MEP1A: variants seen among roughly 807,000 people sequenced by gnomAD.
MEP1A encodes the protein N-benzoyl-L-tyrosyl-P-amino-benzoic acid hydrolase subunit alpha.
MEP1A carries 68 observed loss-of-function variants against 84.5 expected under a neutral mutation model. That is an observed-to-expected ratio of 0.80 (90% CI 0.66 to 0.98). The LOEUF (loss-of-function observed/expected upper bound fraction) is 0.98, where lower values mean the gene tolerates loss of function less well. Among genes scored for constraint, MEP1A ranks in the 50% least tolerant of loss-of-function variants. The probability of loss-of-function intolerance (pLI) is 0.00; values close to 1 mark genes in which losing one functional copy is unlikely to be tolerated. For missense variants in MEP1A, 887 were observed against 919.9 expected (o/e 0.96, Z 0.46); for synonymous variants, 337 against 336.8 (o/e 1.00, Z -0.01).
chr6:46,828,012 T>G (rs1581685171), intron 9 of MEP1A, among the ~76,000 whole-genome samples: 1 of 152,296 alleles, frequency 6.6e-6, no homozygotes, highest in East Asian at 1.9e-4. Context: ...AGCTCTTGCA[T>G]AGTTACAGGT....
intron 5 of MEP1A, among the ~76,000 whole-genome samples, chr6:46,804,493 C>A (rs1767267667): frequency 7.3e-6 from 1 of 137,192 alleles, no homozygotes; most frequent in Non-Finnish European, 1.7e-5. Flanking sequence ...ATCCCAATAT[C>A]CCTCTATGAA....
At chr6:46,799,959 G>A (rs1161121202) in intron 5 of MEP1A, among the ~76,000 whole-genome samples, 2 of 152,100 alleles carry the variant, frequency 1.3e-5, no homozygotes, top group Admixed American at 6.5e-5. Flanking sequence ...GGGCTGCTAG[G>A]CTGCTCCTAC....
chr6:46,806,545 T>C (rs1332477402), intron 5 of MEP1A, among the ~76,000 whole-genome samples: 1 of 151,986 alleles, frequency 6.6e-6, no homozygotes, highest in Non-Finnish European at 1.5e-5. Flanking sequence ...AAATTCTTCC[T>C]CCACTGCAGT....
intron 5 of MEP1A, among the ~76,000 whole-genome samples, chr6:46,804,308 TA>T: frequency 6.6e-6 from 1 of 151,924 alleles, no homozygotes; most frequent in African/African-American, 2.4e-5. Context: ...ATAGTAGTGT[TA>T]AAAATTATTA....
chr6:46,805,096 A>ATGTT (rs1767284904), intron 5 of MEP1A, among the ~76,000 whole-genome samples: 1 of 151,836 alleles, frequency 6.6e-6, no homozygotes, highest in African/African-American at 2.4e-5. Context: ...GATTGATGCT[A>ATGTT]TGTTTTGGCT....
intron 11 of MEP1A, 110 bp downstream of exon 11, chr6:46,833,648 A>G (rs1298149112): frequency 1.3e-6 from 1 of 784,978 alleles, no homozygotes; most frequent in Non-Finnish European, 2.1e-6. Context: ...TCTGTTTGGG[A>G]ATACCAATAA....
At chr6:46,817,791 T>C (rs1767676170) in intron 6 of MEP1A, among the ~76,000 whole-genome samples, 1 of 152,204 alleles carries the variant, frequency 6.6e-6, no homozygotes, top group Non-Finnish European at 1.5e-5. Context: ...ACATTCTTTG[T>C]AAAAGCACTG....
At chr6:46,842,925 C>T (rs952591620), downstream of MEP1A, among the ~76,000 whole-genome samples, 1 of 152,138 alleles carries the variant, frequency 6.6e-6, no homozygotes, top group African/African-American at 2.4e-5. Context: ...GGTCTAGTTC[C>T]CCTGATAAAC....
chr6:46,795,516 G>C (rs980574156), intron 3 of MEP1A, among the ~76,000 whole-genome samples: 1 of 152,012 alleles, frequency 6.6e-6, no homozygotes, highest in African/African-American at 2.4e-5. Context: ...GGCTAGGCTG[G>C]TCTTGAACTC....
chr6:46,829,433 T>C lies in MEP1A; in HGVS notation c.1006T>C (p.Tyr336His). ...AGCCCTACTGGAGTCTCGGATTCTT[T>C]ACCCAAAGAGGAAGCAGCAGTGCCT... is the stretch of plus-strand genomic sequence containing the variant. ...EAALLESRIL[Y>H]PKRKQQCLQF... is the part of the protein sequence containing the mutation. Residue 336 changes from tyrosine to histidine, a missense_variant, in exon 10 of 14, where the codon TAC (tyrosine) becomes CAC (histidine). Physicochemically the swap from Tyr to His is moderately conservative, Grantham distance 83. Transcript: ENST00000230588. The C allele has an allele frequency of 6.2e-7, 1 of 1,614,190 alleles. No individual in the cohort carries two copies. The highest frequency in any genetic ancestry group is 8.5e-7 in the Non-Finnish European group (1 of 1,180,032).
At chr6:46,797,824 TTCTTTCTTTCTTTC>T (rs1408849792) in intron 3 of MEP1A, among the ~76,000 whole-genome samples, 14 of 84,744 alleles carry the variant, frequency 1.7e-4, no homozygotes, top group Middle Eastern at 6.3e-3. Context: ...CTTTCTTTCT[TTCTTTCTTTCTTTC>T]TCTCTCTCTT....
At chr6:46,810,625 T>C (rs886168131) in intron 6 of MEP1A, among the ~76,000 whole-genome samples, 4 of 152,198 alleles carry the variant, frequency 2.6e-5, no homozygotes, top group African/African-American at 9.6e-5. Flanking sequence ...CTTTGATCCA[T>C]CTTGAGTTGA....
At chr6:46,825,615 C>G in intron 8 of MEP1A, 122 bp downstream of exon 8, 2 of 709,782 alleles carry the variant, frequency 2.8e-6, no homozygotes, top group East Asian at 5.5e-5. Context: ...AGAATAAGAA[C>G]AAACTGCGTA....
chr6:46,827,363 C>T (rs1242662614), intron 9 of MEP1A, among the ~76,000 whole-genome samples: 1 of 152,220 alleles, frequency 6.6e-6, no homozygotes, highest in African/African-American at 2.4e-5. Flanking sequence ...AGACCAGCAG[C>T]TTCACTCCCC....
chr6:46,816,005 C>T (rs756449408), intron 6 of MEP1A, among the ~76,000 whole-genome samples: 29 of 152,066 alleles, frequency 1.9e-4, no homozygotes, highest in Non-Finnish European at 4.3e-4. Flanking sequence ...GGCATGATCT[C>T]GGCTCACTGG....
At position 46,793,647 on chromosome 6, in the gene MEP1A, T is replaced by G; in HGVS notation, c.95-19T>G. On this transcript the variant is annotated intron_variant, in intron 2 of 13. Transcript: ENST00000230588. ...CCTTCGGCAAGACTAATAATAATTT[T>G]TTTTCTCACTTTTAACAGTACATGA... The G allele has an allele frequency of 6.3e-7, 1 of 1,598,916 alleles. No homozygotes were observed. Among genetic ancestry groups the G allele is most frequent in the Non-Finnish European group, 8.5e-7 (1 of 1,170,756 alleles).
At chr6:46,806,686 C>G (rs980590447) in intron 5 of MEP1A, among the ~76,000 whole-genome samples, 1 of 152,006 alleles carries the variant, frequency 6.6e-6, no homozygotes, top group Admixed American at 6.6e-5. Context: ...CACTTATATA[C>G]AGACTTTGGG....
In MEP1A at chr6:46,834,689, A is replaced by G. The variant is rs1768170522; in HGVS notation, c.1721A>G (p.Gln574Arg). Residue 574 changes from glutamine (Q) to arginine (R), a missense_variant, in exon 12 of 14, where the codon CAA becomes CGA. Coordinates refer to ENST00000230588, the MANE Select transcript of MEP1A (RefSeq NM_005588.3). ...DLGWSGFISH[Q>R]MLKRRSFLKN... The stretch of plus-strand genomic sequence containing the variant: ...GGCTGGAGTGGTTTCATTTCCCACC[A>G]AATGCTGAAAAGGAGGAGTTTCCTG... 6.2e-7 allele frequency: 1 copy of G among 1,611,520 alleles called. No homozygotes were observed. Among genetic ancestry groups the G allele is most frequent in the African/African-American group, 1.3e-5 (1 of 74,798 alleles).
In MEP1A at chr6:46,825,359, A is replaced by G; in HGVS notation, c.644A>G (p.Gln215Arg). ...PYDYESLMHY[Q>R]PFSFNKNASV... is the part of the protein sequence containing the mutation. ...GATTATGAGTCTTTGATGCACTACC[A>G]GCCTTTCTCATTTAACAAGAATGCA... The change falls in exon 8 of 14, where the codon CAG becomes CGG. Residue 215 changes from glutamine (Q) to arginine (R), a missense_variant. Coordinates refer to ENST00000230588, the MANE Select transcript of MEP1A (RefSeq NM_005588.3). 1 of 1,613,542 alleles carries G rather than the reference A, an allele frequency of 6.2e-7. No homozygotes were observed. The highest frequency in any genetic ancestry group is 8.5e-7 in the Non-Finnish European group (1 of 1,179,584).
Sources: gnomAD v4.1 joint callset for allele counts (sites outside exome capture counted in the v4.1 genomes callset) on GRCh38, gnomAD v4.1.1 for gene constraint, MANE v1.5 for transcripts, NCBI Gene and HGNC (gene_info 2026-07-23, HGNC 2026-07-21) for gene names.